The following VPS13D variants were observed in gnomAD, a reference collection of about 807,000 sequenced individuals.
The protein encoded by VPS13D is vacuolar protein sorting 13 homolog D, also known as intermembrane lipid transfer protein VPS13D.
Under a neutral mutation model 461.9 loss-of-function variants are expected in VPS13D, and 187 were observed. That is an observed-to-expected ratio of 0.40 (90% confidence interval 0.36 to 0.46). The LOEUF is 0.46. Ranked by LOEUF, VPS13D falls within the 20% of genes least tolerant of loss-of-function variation. The probability of loss-of-function intolerance (pLI) is 0.60; values close to 1 mark genes in which losing one functional copy is unlikely to be tolerated. For synonymous variants in VPS13D, 1,951 were observed against 1,986.3 expected (o/e 0.98, Z 0.47); for missense variants, 4,711 against 5,364.9 (o/e 0.88, Z 3.81).
chr1:12,390,189 G>T (rs961668098), intron 60 of VPS13D, among the ~76,000 whole-genome samples: 2 of 152,202 alleles, frequency 1.3e-5, no homozygotes, highest in African/African-American at 4.8e-5. Context: ...TAGGGGTGAT[G>T]ATGAATGGTG....
At chr1:12,301,509 G>A (rs567402230) in intron 25 of VPS13D, among the ~76,000 whole-genome samples, 53 of 152,310 alleles carry the variant, frequency 3.5e-4, no homozygotes, top group African/African-American at 1.1e-3. Flanking sequence ...ACCCCGCAGC[G>A]TCCCGAACAC....
intron 16 of VPS13D, among the ~76,000 whole-genome samples, chr1:12,270,154 TAAAAAG>T (rs1557676153): frequency 6.6e-6 from 1 of 151,214 alleles, no homozygotes; most frequent in Admixed American, 6.6e-5. Context: ...GACCCTGTCT[TAAAAAG>T]AAAGAATATA....
intron 54 of VPS13D, among the ~76,000 whole-genome samples, chr1:12,370,965 T>C (rs953879380): frequency 3.3e-5 from 5 of 152,186 alleles, no homozygotes; most frequent in African/African-American, 1.2e-4. Context: ...TGCTAAGAGG[T>C]TGAACCATCT....
At chr1:12,295,020 G>A (rs1390239974) in intron 24 of VPS13D, among the ~76,000 whole-genome samples, 1 of 151,906 alleles carries the variant, frequency 6.6e-6, no homozygotes, top group Non-Finnish European at 1.5e-5. Flanking sequence ...TCAGGAATTC[G>A]TGACCAGCCT....
chr1:12,293,720 C>T lies in VPS13D; in HGVS notation c.6033+16C>T. On this transcript the variant is annotated intron_variant, in intron 24 of 69. Transcript: ENST00000620676. ...GGGGCAGACGGTAGGTAGCCTGGGC[C>T]CTCCAAGCTGCTTTTCCAGTTTGAC... 3 of 1,608,164 alleles carry T rather than the reference C, an allele frequency of 1.9e-6. No homozygotes were observed. Among genetic ancestry groups the T allele is most frequent in the Non-Finnish European group, 2.5e-6 (3 of 1,177,758 alleles).
Position 12,383,147 on chromosome 1 carries a change from G to A in VPS13D, c.11362G>A (p.Ala3788Thr), listed in dbSNP as rs1326149281. 1 of 1,612,694 alleles carries A rather than the reference G, an allele frequency of 6.2e-7. No individual in the cohort carries two copies. The highest frequency in any genetic ancestry group is 8.5e-7 in the Non-Finnish European group (1 of 1,179,546). Residue 3788 changes from alanine to threonine, a missense_variant, in exon 58 of 70, where the codon GCA (alanine) becomes ACA (threonine). Physicochemically the swap from Ala to Thr is moderately conservative, Grantham distance 58. Transcript: ENST00000620676. The stretch of plus-strand genomic sequence containing the variant: ...AGTCATCCCAGATGGACCAACTAGA[G>A]CACTCCAGGTGATAATTTGTCATAA... ...IRVIPDGPTRALQITDFCHRK... is the reference protein window; with the variant it reads ...IRVIPDGPTRTLQITDFCHRK...
chr1:12,455,508 C>T (rs1393537581), intron 65 of VPS13D, among the ~76,000 whole-genome samples: 1 of 152,176 alleles, frequency 6.6e-6, no homozygotes. Context: ...TTTGCAAAGC[C>T]TAGTGTCCTC....
chr1:12,500,275 T>G (rs1394674298), intron 68 of VPS13D: 4 of 955,566 alleles, frequency 4.2e-6, no homozygotes, highest in Non-Finnish European at 5.0e-6. Context: ...AATCATATAT[T>G]CCTCTGATAA....
At chr1:12,407,346 TTTC>T (rs1644669084) in intron 63 of VPS13D, 1 of 152,216 alleles carries the variant, frequency 6.6e-6, no homozygotes, top group Non-Finnish European at 1.5e-5. Context: ...TAGACAGGTA[TTTC>T]TTCTTTCAAC....
At chr1:12,372,859 A>G (rs943130544) in intron 54 of VPS13D, among the ~76,000 whole-genome samples, 1 of 150,856 alleles carries the variant, frequency 6.6e-6, no homozygotes, top group Non-Finnish European at 1.5e-5. Flanking sequence ...TAATCTAAAT[A>G]AAACTTCCAA....
chr1:12,482,614 G>A (rs1487523763), intron 67 of VPS13D, among the ~76,000 whole-genome samples: 2 of 151,988 alleles, frequency 1.3e-5, no homozygotes, highest in Non-Finnish European at 2.9e-5. Context: ...AATGTGATGG[G>A]TACTATTATT....
In VPS13D at chr1:12,506,519, G is replaced by A. The variant is rs1218415659; in HGVS notation, c.12795-334G>A. On this transcript the variant is annotated intron_variant, in intron 68 of 69. Transcript: ENST00000620676. The stretch of plus-strand genomic sequence containing the variant: ...CCCCCCTCAGCTTTCAGCGCCCCCA[G>A]CTGCGTCTTCTCGCCCCTTCATGTT... Among the ~76,000 whole-genome samples, 9 of 152,192 alleles carry A rather than the reference G, an allele frequency of 5.9e-5. No individual in the cohort carries two copies. The South Asian group carries it at 1.9e-3, about 32-fold the overall frequency.
At chr1:12,493,556 G>A (rs1645916583) in intron 67 of VPS13D, among the ~76,000 whole-genome samples, 1 of 151,290 alleles carries the variant, frequency 6.6e-6, no homozygotes, top group Non-Finnish European at 1.5e-5. Flanking sequence ...ATACAGGAAA[G>A]TCACTTAAAA....
intron 61 of VPS13D, among the ~76,000 whole-genome samples, chr1:12,401,124 C>A (rs749889644): frequency 6.6e-6 from 1 of 152,182 alleles, no homozygotes; most frequent in Non-Finnish European, 1.5e-5. Flanking sequence ...AACTTTCTTT[C>A]TTGGAGGAGT....
intron 2 of VPS13D, 85 bp from the exon 3 acceptor site, chr1:12,242,428 C>T (rs1640408684): frequency 1.6e-6 from 2 of 1,250,918 alleles, no homozygotes; most frequent in Admixed American, 3.8e-5. Flanking sequence ...TAAAACTTTC[C>T]CTTTAACCTT....
intron 49 of VPS13D, among the ~76,000 whole-genome samples, chr1:12,357,955 G>C (rs1315459267): frequency 6.7e-6 from 1 of 150,156 alleles, no homozygotes; most frequent in Non-Finnish European, 1.5e-5. Context: ...AGTGATCCTA[G>C]ACTGTACCAT....
At position 12,505,865 on chromosome 1, in the gene VPS13D, C is replaced by A. The variant is rs1399725296; in HGVS notation, c.12795-988C>A. On this transcript the variant is annotated intron_variant, in intron 68 of 69. Transcript: ENST00000620676. This position sits in a 1 kb window ranked among gnomAD's most constrained non-coding sequence, Gnocchi z 4.2. ...TGAGCGAGGGCCCGGCAGCCTGCTCCCCTCGACAGGCAGGCCACCTCCTGC... is the reference window on the plus strand; with the variant it reads ...TGAGCGAGGGCCCGGCAGCCTGCTCACCTCGACAGGCAGGCCACCTCCTGC... Among the ~76,000 whole-genome samples, 1 of 152,206 alleles carries A rather than the reference C, an allele frequency of 6.6e-6. No homozygotes were observed. Among genetic ancestry groups the A allele is most frequent in the Non-Finnish European group, 1.5e-5 (1 of 68,030 alleles).
At chr1:12,390,473 T>A (rs567757189) in intron 60 of VPS13D, among the ~76,000 whole-genome samples, 1 of 152,268 alleles carries the variant, frequency 6.6e-6, no homozygotes, top group South Asian at 2.1e-4. Context: ...GTAAGGTGAG[T>A]GCCTTGGTCA....
rs752541041 is a variant in VPS13D, at chr1:12,277,775, A to G, written c.4187A>G (p.Glu1396Gly). 1.2e-6 allele frequency: 2 copies of G among 1,614,122 alleles called. No individual in the cohort carries two copies. The highest frequency in any genetic ancestry group is 2.2e-5 in the South Asian group (2 of 91,082). The change falls in exon 19 of 70, where the codon GAG (glutamate) becomes GGG (glycine). Residue 1396 changes from glutamate (E) to glycine (G), a missense_variant. Physicochemically the swap from Glu to Gly is moderately conservative, Grantham distance 98 (BLOSUM62 -2). Coordinates refer to ENST00000620676, the MANE Select transcript of VPS13D (RefSeq NM_015378.4). ...ATCCCTCGGAAGCCGGGGAGTCCTG[A>G]GTTGTTGGTGGGACACTTGGGACAG... The part of the protein sequence containing the change: ...VSIPRKPGSP[E>G]LLVGHLGQIF...
Sources: allele counts gnomAD v4.1 joint callset (sites outside exome capture counted in the v4.1 genomes callset), GRCh38; gene constraint gnomAD v4.1.1; non-coding constraint Gnocchi (gnomAD v3.1); transcripts MANE v1.5; gene names NCBI Gene and HGNC (gene_info 2026-07-23, HGNC 2026-07-21).